The following USP28 variants were observed in gnomAD, a reference collection of about 807,000 sequenced individuals.
The protein encoded by USP28 is ubiquitin carboxyl-terminal hydrolase 28.
In USP28, 113 loss-of-function variants were observed where a neutral mutation model predicts 145.0. That is an observed-to-expected ratio of 0.78 (90% confidence interval 0.67 to 0.91). The LOEUF (loss-of-function observed/expected upper bound fraction) is 0.91. Ranked by LOEUF, USP28 falls within the 40% of genes least tolerant of loss-of-function variation. USP28 has a pLI of 0.00. For synonymous variants in USP28, 447 were observed against 450.9 expected (o/e 0.99, Z 0.11); for missense variants, 1,201 against 1,289.6 (o/e 0.93, Z 1.05).
At position 113,812,226 on chromosome 11, in the gene USP28, G is replaced by A. The variant is rs747956353; in HGVS notation, c.1972+50C>T. On this transcript the variant is annotated intron_variant, in intron 16 of 24. Coordinates refer to ENST00000003302, the Ensembl canonical transcript of USP28. ...GCAGTACAAGACTGTTCTTCTCCCTGAGCAGTACAGATTTTCCCCAATCTA... is the reference window on the plus strand; with the variant it reads ...GCAGTACAAGACTGTTCTTCTCCCTAAGCAGTACAGATTTTCCCCAATCTA... 1.1e-5 allele frequency: 16 copies of A among 1,433,354 alleles called. No individual in the cohort carries two copies. In the Admixed American group the frequency reaches 2.0e-4, roughly 18 times the overall value. The allele number at this position is 1,433,354 out of a possible 1,614,324, so 88.8% of individuals were successfully genotyped here. A position where few individuals can be genotyped will look rare whatever the true frequency, so the allele number is the denominator to read the frequency against.
chr11:113,831,675 A>G (rs1943996090), intron 8 of USP28, among the ~76,000 whole-genome samples: 2 of 152,164 alleles, frequency 1.3e-5, no homozygotes, highest in Admixed American at 1.3e-4. Flanking sequence ...TTTATTAACA[A>G]AGTTAACAGT....
chr11:113,835,909 C>T (rs1322923398), intron 5 of USP28, among the ~76,000 whole-genome samples: 1 of 152,038 alleles, frequency 6.6e-6, no homozygotes, highest in African/African-American at 2.4e-5. Context: ...GGAGAAACCC[C>T]ATCTCTACTA....
At chr11:113,851,732 C>T (rs116314472) in intron 3 of USP28, among the ~76,000 whole-genome samples, 15,841 of 150,568 alleles carry the variant, frequency 0.11, 888 homozygotes, top group Middle Eastern at 0.18. Flanking sequence ...TTGCGGTGAG[C>T]GCAGATCGCG....
At chr11:113,856,366 T>C (rs142057886) in intron 1 of USP28, among the ~76,000 whole-genome samples, 14 of 152,330 alleles carry the variant, frequency 9.2e-5, no homozygotes, top group African/African-American at 2.6e-4. Context: ...CCCATCTTCA[T>C]TGGGAATTAT....
intron 1 of USP28, among the ~76,000 whole-genome samples, chr11:113,874,278 C>A (rs918464957): frequency 6.6e-6 from 1 of 151,506 alleles, no homozygotes; most frequent in African/African-American, 2.4e-5. Flanking sequence ...ATGGTGAAAC[C>A]CCGACTCTAC....
chr11:113,808,722 C>A (rs995921587), intron 17 of USP28, among the ~76,000 whole-genome samples: 3 of 152,212 alleles, frequency 2.0e-5, no homozygotes, highest in African/African-American at 7.2e-5. Flanking sequence ...AAACTTTCTA[C>A]AAACAAGCAT....
Position 113,873,653 on chromosome 11 carries a change from A to G in USP28, c.57+1792T>C, listed in dbSNP as rs114400320. ...TCTCTAAATCAATATGATAGTCTCC[A>G]AACTAAAATTTTCCCATGTTTTTAA... On this transcript the variant is annotated intron_variant, in intron 1 of 24. Transcript: ENST00000003302. 3.5e-3 allele frequency among the ~76,000 whole-genome samples: 540 copies of G among 152,332 alleles called. 3 individuals are homozygous for G. Among genetic ancestry groups the G allele is most frequent in the African/African-American group, 0.013 (526 of 41,580 alleles).
At chr11:113,848,036 A>G (rs988679386) in intron 3 of USP28, among the ~76,000 whole-genome samples, 1 of 152,372 alleles carries the variant, frequency 6.6e-6, no homozygotes, top group African/African-American at 2.4e-5. Context: ...GGCAGATGGG[A>G]AAAGTCAAAG....
At chr11:113,832,932 G>A (rs759232065) in intron 7 of USP28, among the ~76,000 whole-genome samples, 6 of 152,038 alleles carry the variant, frequency 3.9e-5, no homozygotes, top group East Asian at 1.9e-4. Flanking sequence ...CACCATGCCC[G>A]GCTATTTTTT....
At chr11:113,862,736 A>G (rs1947820643) in intron 1 of USP28, among the ~76,000 whole-genome samples, 1 of 152,208 alleles carries the variant, frequency 6.6e-6, no homozygotes, top group Non-Finnish European at 1.5e-5. Flanking sequence ...ATAACATAAA[A>G]GGAAACCAAA....
intron 3 of USP28, 73 bp downstream of exon 3, chr11:113,852,428 G>GAACT: frequency 6.4e-7 from 1 of 1,559,910 alleles, no homozygotes; most frequent in Non-Finnish European, 8.8e-7. Flanking sequence ...GATTGACAGG[G>GAACT]AACTCACATA....
At chr11:113,805,120 G>C in intron 19 of USP28, 74 bp from the exon 21 acceptor site, 58 of 1,350,812 alleles carry the variant, frequency 4.3e-5, no homozygotes, top group Middle Eastern at 2.2e-4. Flanking sequence ...ATGCCTAGGA[G>C]CTAGGCAGTC....
At chr11:113,808,217 G>C (rs1393601403) in intron 18 of USP28, 81 bp from the exon 19 acceptor site, 1 of 1,570,196 alleles carries the variant, frequency 6.4e-7, no homozygotes, top group Non-Finnish European at 8.6e-7. Flanking sequence ...CAGAGACACA[G>C]AATAATAGAA....
chr11:113,831,603 T>C (rs982763440), intron 8 of USP28, among the ~76,000 whole-genome samples: 2 of 152,084 alleles, frequency 1.3e-5, no homozygotes, highest in African/African-American at 4.8e-5. Flanking sequence ...TATTATACCA[T>C]CATGTTCACA....
intron 11 of USP28, 131 bp from the exon 12 acceptor site, chr11:113,823,831 G>A: frequency 1.6e-6 from 1 of 617,816 alleles, no homozygotes; most frequent in Non-Finnish European, 2.5e-6. Context: ...ACGGCTGACA[G>A]CATACTCAAG....
intron 23 of USP28, 103 bp from the exon 25 acceptor site, chr11:113,801,781 G>A: frequency 1.1e-6 from 1 of 923,438 alleles, no homozygotes; most frequent in Non-Finnish European, 1.6e-6. Flanking sequence ...CTGCACATTG[G>A]ATGTACTTAG....
chr11:113,843,595 C>G (rs1045982570), intron 3 of USP28, among the ~76,000 whole-genome samples: 3 of 148,574 alleles, frequency 2.0e-5, no homozygotes, highest in African/African-American at 7.5e-5. Flanking sequence ...GGCTTGAACC[C>G]AGGAGGCGGA....
At chr11:113,861,864 A>G (rs1366050563) in intron 1 of USP28, among the ~76,000 whole-genome samples, 2 of 152,244 alleles carry the variant, frequency 1.3e-5, no homozygotes, top group African/African-American at 4.8e-5. Context: ...CATATCGAAC[A>G]CATCTCCAAA....
chr11:113,872,798 A>G (rs890292752), intron 1 of USP28, among the ~76,000 whole-genome samples: 1 of 152,238 alleles, frequency 6.6e-6, no homozygotes, highest in Non-Finnish European at 1.5e-5. Context: ...CTGCTATCGA[A>G]GTCAAGAATT....
Sources: gnomAD v4.1 joint callset for allele counts (sites outside exome capture counted in the v4.1 genomes callset) on GRCh38, gnomAD v4.1.1 for gene constraint, MANE v1.5 for transcripts, NCBI Gene and HGNC (gene_info 2026-07-23, HGNC 2026-07-21) for gene names.